Variants in BTF3L4 observed in about 807,000 individuals in gnomAD.
BTF3L4 encodes the protein basic transcription factor 3 like 4.
A neutral mutation model predicts 16.8 loss-of-function variants in BTF3L4; 6 were observed. The observed-to-expected ratio is 0.36, with a 90% CI of 0.20 to 0.71. The LOEUF (loss-of-function observed/expected upper bound fraction) is 0.71, where lower values mean the gene tolerates loss of function less well. BTF3L4 is among the 30% of genes least tolerant of loss of function. The pLI is 0.58. For missense variants in BTF3L4, 92 were observed against 186.9 expected (o/e 0.49, Z 2.96); for synonymous variants, 39 against 59.8 (o/e 0.65, Z 1.60).
At chr1:52,086,035 A>C in intron 4 of BTF3L4, 77 bp from the exon 5 acceptor site, 1 of 939,956 alleles carries the variant, frequency 1.1e-6, no homozygotes, top group Non-Finnish European at 1.6e-6. Flanking sequence ...TTTATACAGG[A>C]AAAAAGGGAT....
intron 4 of BTF3L4, 56 bp from the exon 5 acceptor site, chr1:52,086,056 A>G: frequency 8.2e-7 from 1 of 1,218,728 alleles, no homozygotes; most frequent in Non-Finnish European, 1.2e-6. Flanking sequence ...AAACATTATA[A>G]GTTTTCTTTA....
intron 2 of BTF3L4, chr1:52,060,521 C>T (rs1404987344): frequency 3.2e-6 from 4 of 1,247,798 alleles, no homozygotes; most frequent in Non-Finnish European, 4.2e-6. Flanking sequence ...TAAGGAAGAA[C>T]TAGTTGTGAG....
intron 3 of BTF3L4, among the ~76,000 whole-genome samples, chr1:52,075,523 T>TAA (rs71041887): frequency 8.6e-6 from 1 of 115,640 alleles, no homozygotes. Context: ...AGACTACGTC[T>TAA]AAAAAAAAAA....
At chr1:52,075,281 C>T (rs996836210) in intron 3 of BTF3L4, among the ~76,000 whole-genome samples, 3 of 150,864 alleles carry the variant, frequency 2.0e-5, no homozygotes, top group East Asian at 1.9e-4. Context: ...GGGCCGGGCG[C>T]GGTGGCTCAC....
rs535124647 is a variant in BTF3L4 at position 52,076,216 on chromosome 1, C to T, written c.169-7124C>T. On this transcript the variant is annotated intron_variant, in intron 3 of 5. Transcript: ENST00000313334. ...GCTTGAACCCAGGAGGTGCAGGTTG[C>T]GTTGAGCAGAGATAGCACCACTGCA... Among the ~76,000 whole-genome samples, 3 of 152,100 alleles carry T rather than the reference C, an allele frequency of 2.0e-5. No homozygotes were observed. In the South Asian group the frequency reaches 6.2e-4, roughly 32 times the overall value.
intron 3 of BTF3L4, among the ~76,000 whole-genome samples, chr1:52,077,612 CA>C (rs1202326310): frequency 6.6e-6 from 1 of 151,918 alleles, no homozygotes; most frequent in East Asian, 1.9e-4. Context: ...CAGTTGGATT[CA>C]AAAAAAGTCA....
At chr1:52,086,553 T>G in intron 5 of BTF3L4, 159 bp from the exon 6 acceptor site, 1 of 535,542 alleles carries the variant, frequency 1.9e-6, no homozygotes, top group Non-Finnish European at 3.3e-6. Context: ...AAATCATTGT[T>G]AGTAAAATGC....
At chr1:52,064,443 C>T (rs576635978) in intron 2 of BTF3L4, among the ~76,000 whole-genome samples, 23 of 152,246 alleles carry the variant, frequency 1.5e-4, no homozygotes, top group South Asian at 1.5e-3. Context: ...TATCTTTAGA[C>T]TACTGGCAGG....
chr1:52,082,556 G>GAGGCTACT (rs2124444728), intron 3 of BTF3L4, among the ~76,000 whole-genome samples: 1 of 152,200 alleles, frequency 6.6e-6, no homozygotes, highest in African/African-American at 2.4e-5. Flanking sequence ...CCAACATGGT[G>GAGGCTACT]AAACCCCATC....
At chr1:52,086,352 G>T (rs1379350612) in intron 5 of BTF3L4, 181 bp downstream of exon 5, 5 of 496,276 alleles carry the variant, frequency 1.0e-5, no homozygotes, top group Non-Finnish European at 1.1e-5. Flanking sequence ...CCTAGAATCA[G>T]AAATTGTCAC....
Position 52,073,339 on chromosome 1 carries a change from G to A in BTF3L4, c.168+8401G>A, listed in dbSNP as rs1686841345. 2.0e-5 allele frequency among the ~76,000 whole-genome samples: 3 copies of A among 151,916 alleles called. No individual in the cohort carries two copies. The South Asian group carries it at 6.2e-4, about 32-fold the overall frequency. The stretch of plus-strand genomic sequence containing the variant: ...TAGATAATAGATATTGCCACTGTAG[G>A]AAATCAGGAATATAGAGAAAATGTC... On this transcript the variant is annotated intron_variant, in intron 3 of 5. Coordinates refer to ENST00000313334, the MANE Select transcript of BTF3L4 (RefSeq NM_152265.5).
At chr1:52,057,724 A>G (rs752087089) in intron 1 of BTF3L4, among the ~76,000 whole-genome samples, 2 of 152,180 alleles carry the variant, frequency 1.3e-5, no homozygotes, top group African/African-American at 2.4e-5. Flanking sequence ...CAAGAAACAA[A>G]AGACTACTCT....
Position 52,083,336 on chromosome 1 carries a change from A to G in BTF3L4, c.169-4A>G. On this transcript the variant is annotated splice_polypyrimidine_tract_variant and splice_region_variant and intron_variant, in intron 3 of 5. Coordinates refer to ENST00000313334, the MANE Select transcript of BTF3L4 (RefSeq NM_152265.5). ...AAGTACATTTTTCTTCTGTGATCATACAGGTGAACATGATTAAAGATGATG... is the reference window on the plus strand; with the variant it reads ...AAGTACATTTTTCTTCTGTGATCATGCAGGTGAACATGATTAAAGATGATG... 1 of 1,611,938 alleles carries G rather than the reference A, an allele frequency of 6.2e-7. No homozygotes were observed. Among genetic ancestry groups the G allele is most frequent in the Non-Finnish European group, 8.5e-7 (1 of 1,178,216 alleles).
Position 52,086,262 on chromosome 1 carries a change from T to G in BTF3L4, c.430+91T>G, listed in dbSNP as rs1029166461. ...AGATAACTTTTAGGTTTGTGTTGATTGTAAGCTCATGAATTTAAATTGATT... is the reference window on the plus strand; with the variant it reads ...AGATAACTTTTAGGTTTGTGTTGATGGTAAGCTCATGAATTTAAATTGATT... On this transcript the variant is annotated intron_variant, in intron 5 of 5. Transcript: ENST00000313334. The G allele has an allele frequency of 1.4e-5, 13 of 926,422 alleles. No individual in the cohort carries two copies. In the African/African-American group the frequency reaches 2.0e-4, roughly 15 times the overall value. 57.4% of individuals were successfully genotyped at this position (926,422 alleles called of 1,614,324 possible). A position where few individuals can be genotyped will look rare whatever the true frequency, so the allele number is the denominator to read the frequency against.
chr1:52,062,394 G>A (rs1407001671), intron 2 of BTF3L4, among the ~76,000 whole-genome samples: 1 of 151,674 alleles, frequency 6.6e-6, no homozygotes, highest in African/African-American at 2.4e-5. Context: ...TAGAGACTTG[G>A]TTTCACCATG....
chr1:52,056,844 G>A (rs2809953), intron 1 of BTF3L4, among the ~76,000 whole-genome samples: 150,741 of 152,340 alleles, frequency 0.99, 74,601 homozygotes, highest in Middle Eastern at 1. Flanking sequence ...TGTAATGGCA[G>A]TGTTTGTTTA....
intron 1 of BTF3L4, 67 bp from the exon 2 acceptor site, chr1:52,059,766 CTG>C: frequency 7.3e-7 from 1 of 1,365,020 alleles, no homozygotes; most frequent in Admixed American, 1.7e-5. Flanking sequence ...CCAGAAGGTA[CTG>C]TTGCATAAAC....
intron 3 of BTF3L4, among the ~76,000 whole-genome samples, chr1:52,077,507 G>A (rs1027105543): frequency 6.6e-6 from 1 of 152,172 alleles, no homozygotes; most frequent in Non-Finnish European, 1.5e-5. Context: ...GAAGTGAGCC[G>A]AGATTGCGCC....
intron 2 of BTF3L4, among the ~76,000 whole-genome samples, chr1:52,062,596 C>A (rs1686544002): frequency 6.6e-6 from 1 of 152,066 alleles, no homozygotes; most frequent in South Asian, 2.1e-4. Flanking sequence ...ATATGCCATA[C>A]TAAGGAGCTT....
Sources: allele counts gnomAD v4.1 joint callset (sites outside exome capture counted in the v4.1 genomes callset), GRCh38; gene constraint gnomAD v4.1.1; transcripts MANE v1.5; gene names NCBI Gene and HGNC (gene_info 2026-07-23, HGNC 2026-07-21).